WWC1: variants seen among roughly 807,000 people sequenced by gnomAD.
The protein encoded by WWC1 is WW and C2 domain containing 1, also known as protein KIBRA.
A neutral mutation model predicts 138.4 loss-of-function variants in WWC1; 55 were observed. That is an observed-to-expected ratio of 0.40 (90% CI 0.32 to 0.50). The LOEUF is 0.50. Ranked by LOEUF, WWC1 falls within the 20% of genes least tolerant of loss-of-function variation. The probability of loss-of-function intolerance (pLI) is 0.72; values close to 1 mark genes in which losing one functional copy is unlikely to be tolerated. For missense variants in WWC1, 1,226 were observed against 1,420.4 expected (o/e 0.86, Z 2.20); for synonymous variants, 524 against 564.9 (o/e 0.93, Z 1.03).
chr5:168,421,063 T>A (rs1470927531), intron 9 of WWC1, among the ~76,000 whole-genome samples: 1 of 152,094 alleles, frequency 6.6e-6, no homozygotes, highest in African/African-American at 2.4e-5. Flanking sequence ...ATACAACGGG[T>A]TTATTTTTTG....
chr5:168,403,012 TTCTTTC>T (rs1561712002), intron 5 of WWC1, among the ~76,000 whole-genome samples: 1 of 64,694 alleles, frequency 1.5e-5, no homozygotes, highest in Non-Finnish European at 3.3e-5. Context: ...TTCTTTTTCT[TTCTTTC>T]TTTCTTTCTT....
At chr5:168,312,056 A>AG (rs1771145527) in intron 1 of WWC1, among the ~76,000 whole-genome samples, 1 of 151,684 alleles carries the variant, frequency 6.6e-6, no homozygotes. Context: ...CTAAAAAAAA[A>AG]AAAATACAAA....
At chr5:168,442,232 G>A (rs1035771422) in intron 16 of WWC1, among the ~76,000 whole-genome samples, 6 of 152,092 alleles carry the variant, frequency 3.9e-5, no homozygotes, top group Non-Finnish European at 4.4e-5. Context: ...GAAATCATGG[G>A]AAGAGAATCA....
intron 1 of WWC1, among the ~76,000 whole-genome samples, chr5:168,340,395 C>T (rs9313409): frequency 0.76 from 115,107 of 152,134 alleles, 43,684 homozygotes; most frequent in East Asian, 0.84. Flanking sequence ...TCTTAGTATA[C>T]TCAGAGTTGT....
intron 1 of WWC1, among the ~76,000 whole-genome samples, chr5:168,300,774 C>T (rs142917692): frequency 1.0e-3 from 155 of 152,244 alleles, no homozygotes; most frequent in Non-Finnish European, 1.9e-3. Context: ...GCTTCCTCCC[C>T]GCCCAGTGGT....
chr5:168,317,301 C>T (rs1000113441), intron 1 of WWC1, among the ~76,000 whole-genome samples: 6 of 152,176 alleles, frequency 3.9e-5, no homozygotes, highest in African/African-American at 1.4e-4. Context: ...TTTCTCAGAG[C>T]GTTTGTCTGT....
intron 6 of WWC1, 57 bp from the exon 7 acceptor site, chr5:168,408,450 G>T: frequency 6.3e-7 from 1 of 1,588,862 alleles, no homozygotes. Context: ...GAGCGTGGCA[G>T]ACCCAGAGCT....
chr5:168,410,930 GC>G (rs1780181708), intron 8 of WWC1, among the ~76,000 whole-genome samples: 1 of 132,342 alleles, frequency 7.6e-6, no homozygotes. Flanking sequence ...CATGATCTTT[GC>G]TTTTTTTTTT....
rs374311223 is a variant in WWC1, at chr5:168,403,088, TTTTC to T, written c.591-3090_591-3087del. Among the ~76,000 whole-genome samples, 358 of 124,202 alleles carry T rather than the reference TTTTC, an allele frequency of 2.9e-3. 2 individuals are homozygous for T. The highest frequency in any genetic ancestry group is 4.4e-3 in the African/African-American group (127 of 28,844). 81.5% of individuals were successfully genotyped at this position (124,202 alleles called of 152,430 possible). Reference sequence around the variant, plus strand: ...TTTCTTTCTTTCTTTCTTTTCTTTCTTTTCTTTCTTTCTTTCTTTCTTTTCTTTC... The same window carrying T: ...TTTCTTTCTTTCTTTCTTTTCTTTCTTTTCTTTCTTTCTTTCTTTTCTTTC... On this transcript the variant is annotated intron_variant, in intron 5 of 22. Transcript: ENST00000265293.
chr5:168,364,694 G>C (rs988796923), intron 1 of WWC1, among the ~76,000 whole-genome samples: 9 of 152,272 alleles, frequency 5.9e-5, no homozygotes, highest in Non-Finnish European at 1.3e-4. Context: ...TGGAGGGTGA[G>C]GCAGAGAGTG....
At chr5:168,449,554 C>T (rs1301441489) in intron 17 of WWC1, among the ~76,000 whole-genome samples, 1 of 146,354 alleles carries the variant, frequency 6.8e-6, no homozygotes, top group Non-Finnish European at 1.5e-5. Context: ...CCTGTGTGTT[C>T]ACATGTTTAA....
At chr5:168,460,792 C>T (rs765249165) in intron 20 of WWC1, 50 bp downstream of exon 20, 30 of 1,582,742 alleles carry the variant, frequency 1.9e-5, no homozygotes, top group Non-Finnish European at 1.6e-5. Flanking sequence ...TCCCTCGTTG[C>T]CCCAAGCCCT....
chr5:168,462,535 GAGC>G (rs1372206129), intron 20 of WWC1, among the ~76,000 whole-genome samples: 1 of 152,198 alleles, frequency 6.6e-6, no homozygotes, highest in Non-Finnish European at 1.5e-5. Context: ...GGGGCTTCTG[GAGC>G]AGATGTTCAT....
intron 15 of WWC1, among the ~76,000 whole-genome samples, chr5:168,435,551 C>T (rs1240766077): frequency 1.3e-5 from 2 of 152,070 alleles, no homozygotes; most frequent in East Asian, 1.9e-4. Flanking sequence ...GCTGGGACTA[C>T]AGGCACATGC....
chr5:168,375,908 T>A (rs1213540525), intron 2 of WWC1, among the ~76,000 whole-genome samples: 1 of 152,148 alleles, frequency 6.6e-6, no homozygotes, highest in Non-Finnish European at 1.5e-5. Context: ...TAAGCCATTT[T>A]TACTATTTCA....
chr5:168,417,468 A>T lies in WWC1; in HGVS notation c.1184+2878A>T, dbSNP rs560565726. ...TATAATCTCATTTAAACCTCCCAGG[A>T]TCCCTGAGGTTAATCCCCATTTTAA... On this transcript the variant is annotated intron_variant, in intron 9 of 22. Coordinates refer to ENST00000265293, the MANE Select transcript of WWC1 (RefSeq NM_015238.3). Among the ~76,000 whole-genome samples, 22 of 152,238 alleles carry T rather than the reference A, an allele frequency of 1.4e-4. 1 individual carries two copies. The South Asian group carries it at 4.6e-3, about 32-fold the overall frequency.
At chr5:168,466,484 G>C (rs574388687) in intron 21 of WWC1, among the ~76,000 whole-genome samples, 1 of 152,360 alleles carries the variant, frequency 6.6e-6, no homozygotes, top group African/African-American at 2.4e-5. Flanking sequence ...AGGACCATCA[G>C]CTGAAATCTC....
At chr5:168,452,593 C>T (rs1310065026) in intron 17 of WWC1, among the ~76,000 whole-genome samples, 1 of 152,188 alleles carries the variant, frequency 6.6e-6, no homozygotes. Flanking sequence ...TGTTGTTTAA[C>T]CCACCTAGTA....
At chr5:168,387,870 G>T (rs1442563826) in intron 3 of WWC1, among the ~76,000 whole-genome samples, 5 of 152,082 alleles carry the variant, frequency 3.3e-5, no homozygotes, top group Non-Finnish European at 7.4e-5. Context: ...AGATGTTATT[G>T]TCCCTGTTGA....
Sources: gnomAD v4.1 joint callset for allele counts (sites outside exome capture counted in the v4.1 genomes callset) on GRCh38, gnomAD v4.1.1 for gene constraint, MANE v1.5 for transcripts, NCBI Gene and HGNC (gene_info 2026-07-23, HGNC 2026-07-21) for gene names.